Variants in C5AR1 observed in about 807,000 individuals in gnomAD.
The protein encoded by C5AR1 is complement C5a receptor 1.
C5AR1 carries 4 observed loss-of-function variants against 2.4 expected under a neutral mutation model. That is an observed-to-expected ratio of 1.65 (90% confidence interval 0.81 to 3.77). C5AR1 has a LOEUF of 3.77. Among genes scored for constraint, C5AR1 ranks in the 30% most tolerant of loss-of-function variants. The pLI is 0.01. For missense variants in C5AR1, 418 were observed against 462.5 expected (o/e 0.90, Z 0.88); for synonymous variants, 209 against 210.4 (o/e 0.99, Z 0.06).
At chr19:47,318,411 A>G (rs1000846867) in intron 1 of C5AR1, among the ~76,000 whole-genome samples, 3 of 151,278 alleles carry the variant, frequency 2.0e-5, no homozygotes, top group Non-Finnish European at 4.4e-5. Flanking sequence ...CTCCTGCCTC[A>G]GCCTCCCGAG....
At position 47,320,469 on chromosome 19, in the gene C5AR1, G is replaced by A. The variant is rs200454318; in HGVS notation, c.692G>A (p.Ser231Asn). Residue 231 changes from serine to asparagine, a missense_variant, in exon 2 of 2, where the codon AGC becomes AAC. By Grantham distance (46) the Ser-to-Asn change is conservative. Coordinates refer to ENST00000355085, the MANE Select transcript of C5AR1 (RefSeq NM_001736.4). The surrounding 1 kb of genome is among the most constrained non-coding windows in gnomAD (Gnocchi z 4.9). Reference protein sequence around the residue: ...CYTFILLRTWSRRATRSTKTL... With the variant: ...CYTFILLRTWNRRATRSTKTL... ...ACTTTCATCCTGCTCCGGACGTGGA[G>A]CCGCAGGGCCACGCGGTCCACCAAG... The A allele has an allele frequency of 9.3e-6, 15 of 1,613,258 alleles. No individual in the cohort carries two copies. Among genetic ancestry groups the A allele is most frequent in the South Asian group, 1.1e-5 (1 of 91,076 alleles).
upstream of C5AR1, among the ~76,000 whole-genome samples, chr19:47,308,278 G>T (rs1404318576): frequency 6.6e-6 from 1 of 151,536 alleles, no homozygotes; most frequent in Non-Finnish European, 1.5e-5. Context: ...AGGGATCTGG[G>T]TTGCAAGCTC....
chr19:47,309,874 G>A lies in C5AR1; in HGVS notation c.-22G>A, dbSNP rs201922905. ...TGGGCAGGAGGGACCTTCGATCCTC[G>A]GGGAGCCCAGGAGACCAGAACATGG... On this transcript the variant is annotated 5_prime_UTR_variant, in exon 1 of 2. Coordinates refer to ENST00000355085, the MANE Select transcript of C5AR1 (RefSeq NM_001736.4). 1.1e-5 allele frequency: 18 copies of A among 1,611,566 alleles called. No homozygotes were observed. Among genetic ancestry groups the A allele is most frequent in the Middle Eastern group, 1.7e-4 (1 of 6,052 alleles).
intron 1 of C5AR1, among the ~76,000 whole-genome samples, chr19:47,317,854 G>T (rs1394800901): frequency 6.6e-6 from 1 of 151,594 alleles, no homozygotes; most frequent in Non-Finnish European, 1.5e-5. Context: ...GGTGGCAGGT[G>T]CCTTTAGTCC....
upstream of C5AR1, among the ~76,000 whole-genome samples, chr19:47,308,353 C>A (rs1048136858): frequency 6.6e-6 from 1 of 151,932 alleles, no homozygotes; most frequent in South Asian, 2.1e-4. Flanking sequence ...AGGACCATCT[C>A]GTTACAGGAA....
intron 1 of C5AR1, among the ~76,000 whole-genome samples, chr19:47,317,362 G>T (rs551448507): frequency 7.9e-5 from 12 of 151,674 alleles, no homozygotes; most frequent in Non-Finnish European, 1.6e-4. Context: ...TTAAAAATTA[G>T]CTGGGCACAG....
At position 47,321,907 on chromosome 19, in the gene C5AR1, G is replaced by C. The variant is rs200708800; in HGVS notation, c.*1077G>C. Reference sequence around the variant, plus strand: ...TTCCCTCCACCCCCACACCCCAGCCGTGTCCCTAACCCCTGGCAACCAGGA... The same window carrying C: ...TTCCCTCCACCCCCACACCCCAGCCCTGTCCCTAACCCCTGGCAACCAGGA... On this transcript the variant is annotated 3_prime_UTR_variant, in exon 2 of 2. Coordinates refer to ENST00000355085, the MANE Select transcript of C5AR1 (RefSeq NM_001736.4). 2 of 150,756 alleles carry C rather than the reference G, an allele frequency of 1.3e-5. No individual in the cohort carries two copies. 9.3% of individuals were successfully genotyped at this position (150,756 alleles called of 1,614,324 possible). A position where few individuals can be genotyped will look rare whatever the true frequency, so the allele number is the denominator to read the frequency against.
chr19:47,318,817 C>G (rs1350687622), intron 1 of C5AR1, among the ~76,000 whole-genome samples: 1 of 150,280 alleles, frequency 6.7e-6, no homozygotes, highest in Non-Finnish European at 1.5e-5. Flanking sequence ...GCCTTTCTTT[C>G]TTGGGTGCAT....
At chr19:47,313,723 A>T (rs1433588213) in intron 1 of C5AR1, among the ~76,000 whole-genome samples, 4 of 150,894 alleles carry the variant, frequency 2.7e-5, no homozygotes, top group African/African-American at 9.8e-5. Flanking sequence ...CAGCCTGGGG[A>T]CAGAGCGAGA....
At chr19:47,313,421 A>G (rs1277820219) in intron 1 of C5AR1, among the ~76,000 whole-genome samples, 1 of 151,260 alleles carries the variant, frequency 6.6e-6, no homozygotes, top group African/African-American at 2.4e-5. Flanking sequence ...CCCCACTCCC[A>G]ATGCACTTTA....
chr19:47,312,089 A>G (rs1408440656), intron 1 of C5AR1, among the ~76,000 whole-genome samples: 1 of 151,832 alleles, frequency 6.6e-6, no homozygotes, highest in Non-Finnish European at 1.5e-5. Context: ...CTGTCTCCTT[A>G]TCTTTTTGTT....
rs978933431 is a variant in C5AR1 at position 47,316,000 on chromosome 19, C to T, written c.4-3781C>T. Among the ~76,000 whole-genome samples, 7 of 95,334 alleles carry T rather than the reference C, an allele frequency of 7.3e-5. No individual in the cohort carries two copies. In the East Asian group the frequency reaches 1.3e-3, roughly 17 times the overall value. The allele number at this position is 95,334 out of a possible 152,430, so 62.5% of individuals were successfully genotyped here. On this transcript the variant is annotated intron_variant, in intron 1 of 1. Coordinates refer to ENST00000355085, the MANE Select transcript of C5AR1 (RefSeq NM_001736.4). The stretch of plus-strand genomic sequence containing the variant: ...CCATCCATCCATCCATCCATCCATC[C>T]GTTATCTAGCTATTTTTTTTTTTTA...
At chr19:47,308,223 A>AG, upstream of C5AR1, among the ~76,000 whole-genome samples, 1 of 151,030 alleles carries the variant, frequency 6.6e-6, no homozygotes, top group Non-Finnish European at 1.5e-5. Flanking sequence ...AAAAAAAAAA[A>AG]AAAAAAAAAA....
intron 1 of C5AR1, among the ~76,000 whole-genome samples, chr19:47,318,875 T>G (rs962984346): frequency 7.3e-6 from 1 of 136,796 alleles, no homozygotes; most frequent in Non-Finnish European, 1.5e-5. Flanking sequence ...AGGACCTTTT[T>G]GTTCTATTTT....
intron 1 of C5AR1, among the ~76,000 whole-genome samples, chr19:47,315,968 G>A (rs986792342): frequency 1.3e-5 from 2 of 150,010 alleles, no homozygotes; most frequent in Non-Finnish European, 3.0e-5. Flanking sequence ...TCTGTCCATC[G>A]ATTCATCCAT....
intron 1 of C5AR1, among the ~76,000 whole-genome samples, chr19:47,310,819 A>G (rs2059267286): frequency 6.6e-6 from 1 of 152,202 alleles, no homozygotes; most frequent in Non-Finnish European, 1.5e-5. Context: ...TCTGCATGAC[A>G]GAGATGGGGA....
chr19:47,320,671 C>T lies in C5AR1; in HGVS notation c.894C>T (p.Ile298=), dbSNP rs747899928. 2 of 1,614,192 alleles carry T rather than the reference C, an allele frequency of 1.2e-6. No individual in the cohort carries two copies. The highest frequency in any genetic ancestry group is 8.5e-7 in the Non-Finnish European group (1 of 1,180,030). The part of the protein sequence containing the change: ...FAYINCCINP[I]IYVVAGQGFQ... Reference sequence around the variant, plus strand: ...ACATCAACTGCTGCATCAACCCCATCATCTACGTGGTGGCCGGCCAGGGCT... The same window carrying T: ...ACATCAACTGCTGCATCAACCCCATTATCTACGTGGTGGCCGGCCAGGGCT... Residue 298 remains isoleucine, a synonymous_variant, in exon 2 of 2, where the codon ATC becomes ATT. Transcript: ENST00000355085. The surrounding 1 kb of genome is among the most constrained non-coding windows in gnomAD (Gnocchi z 4.9).
upstream of C5AR1, among the ~76,000 whole-genome samples, chr19:47,308,105 C>T (rs1037158145): frequency 4.6e-5 from 7 of 150,716 alleles, no homozygotes; most frequent in African/African-American, 7.3e-5. Flanking sequence ...CCCAGCTACT[C>T]GGGAGGCTGA....
chr19:47,316,625 C>T (rs1407690410), intron 1 of C5AR1: 1 of 151,920 alleles, frequency 6.6e-6, no homozygotes, highest in African/African-American at 2.4e-5. Context: ...TTTTTAATGG[C>T]CTTTTGTGAC....
Sources: gnomAD v4.1 joint callset for allele counts (sites outside exome capture counted in the v4.1 genomes callset) on GRCh38, gnomAD v4.1.1 for gene constraint, Gnocchi (gnomAD v3.1) non-coding constraint, MANE v1.5 for transcripts, NCBI Gene and HGNC (gene_info 2026-07-23, HGNC 2026-07-21) for gene names.